ARID1A: variants seen among roughly 807,000 people sequenced by gnomAD.
ARID1A encodes the protein AT-rich interaction domain 1A, also known as AT-rich interactive domain-containing protein 1A.
In ARID1A, 20 loss-of-function variants were observed where a neutral mutation model predicts 212.6. The ratio of observed to expected loss-of-function variants is 0.09; its 90% CI spans 0.07 to 0.14. ARID1A has a LOEUF of 0.14. Among genes scored for constraint, ARID1A ranks in the 10% least tolerant of loss-of-function variants. The pLI is 1.00. For missense variants in ARID1A, 2,587 were observed against 3,059.0 expected, an observed-to-expected ratio of 0.85 and a Z score of 3.64; for synonymous variants, 1,376 against 1,222.1, an observed-to-expected ratio of 1.13 and a Z score of -2.63.
At chr1:26,755,964 CGATCTCCTGACCTCGT>C (rs2080932018) in intron 4 of ARID1A, among the ~76,000 whole-genome samples, 1 of 151,966 alleles carries the variant, frequency 6.6e-6, no homozygotes, top group Non-Finnish European at 1.5e-5. Context: ...AGGATGGTCT[CGATCTCCTGACCTCGT>C]GATCCTCCTG....
rs980159703 is a variant in ARID1A, at chr1:26,696,245, G to C, written c.-159G>C. The C allele has an allele frequency of 1.4e-4, 135 of 946,178 alleles. 1 individual carries two copies. The South Asian group carries it at 4.5e-3, about 31-fold the overall frequency. 58.6% of individuals were successfully genotyped at this position (946,178 alleles called of 1,614,324 possible). On this transcript the variant is annotated 5_prime_UTR_variant, in exon 1 of 20. Transcript: ENST00000324856. The stretch of plus-strand genomic sequence containing the variant: ...CCCGGAGCCTGAGCCGGCGGGGCGG[G>C]GGGGAGAGGAGCGAGCGCAGCGCAG...
At chr1:26,758,415 T>TAC (rs1269255245) in intron 4 of ARID1A, among the ~76,000 whole-genome samples, 1 of 152,002 alleles carries the variant, frequency 6.6e-6, no homozygotes, top group African/African-American at 2.4e-5. Flanking sequence ...ATCCCTTCTC[T>TAC]ACACACACAC....
At position 26,731,434 on chromosome 1, in the gene ARID1A, C is replaced by G. The variant is rs2124789440; in HGVS notation, c.1633C>G (p.Pro545Ala). The change falls in exon 3 of 20, where the codon CCC (proline) becomes GCC (alanine). Residue 545 changes from proline to alanine, a missense_variant. Coordinates refer to ENST00000324856, the MANE Select transcript of ARID1A (RefSeq NM_006015.6). ...PSQQSTTQQHPQSQPPYSQPQ... is the reference protein window; with the variant it reads ...PSQQSTTQQHAQSQPPYSQPQ... ...CCAGCAGTCGACGACACAGCAGCACCCCCAGAGCCAGCCCCCCTACTCACA... is the reference window on the plus strand; with the variant it reads ...CCAGCAGTCGACGACACAGCAGCACGCCCAGAGCCAGCCCCCCTACTCACA... 6.2e-7 allele frequency: 1 copy of G among 1,613,976 alleles called. No individual in the cohort carries two copies. Among genetic ancestry groups the G allele is most frequent in the Non-Finnish European group, 8.5e-7 (1 of 1,179,986 alleles).
At chr1:26,756,571 A>AC (rs1311899478) in intron 4 of ARID1A, among the ~76,000 whole-genome samples, 23 of 151,744 alleles carry the variant, frequency 1.5e-4, no homozygotes, top group South Asian at 1.5e-3. Flanking sequence ...CTTTAAAAAA[A>AC]AAAAAAACAA....
chr1:26,721,887 T>C (rs1223535265), intron 1 of ARID1A, among the ~76,000 whole-genome samples: 1 of 152,198 alleles, frequency 6.6e-6, no homozygotes, highest in Non-Finnish European at 1.5e-5. Context: ...TATGGTTGTT[T>C]CTCATAATCT....
rs2081186237 is a variant in ARID1A, at chr1:26,780,860, T to C, written c.*104T>C. On this transcript the variant is annotated 3_prime_UTR_variant, in exon 20 of 20. Coordinates refer to ENST00000324856, the MANE Select transcript of ARID1A (RefSeq NM_006015.6). The surrounding 1 kb of genome is among the most constrained non-coding windows in gnomAD (Gnocchi z 7.2). ...TGCAAAACCACCTCAGAATCCAGTT[T>C]ACCCTGTGCTGTCCAGCTTCTCCCT... is the stretch of plus-strand genomic sequence containing the variant. 1 of 1,435,998 alleles carries C rather than the reference T, an allele frequency of 7.0e-7. No homozygotes were observed. The highest frequency in any genetic ancestry group is 1.4e-5 in the African/African-American group (1 of 70,226). The allele number at this position is 1,435,998 out of a possible 1,614,324, so 89.0% of individuals were successfully genotyped here.
chr1:26,713,878 C>G (rs1273682538), intron 1 of ARID1A, among the ~76,000 whole-genome samples: 1 of 152,150 alleles, frequency 6.6e-6, no homozygotes, highest in African/African-American at 2.4e-5. Context: ...GATTTCAATC[C>G]TCTGCTTTCC....
chr1:26,773,907 G>C lies in ARID1A; in HGVS notation c.4101+9G>C, dbSNP rs1259205625. 1 of 1,613,452 alleles carries C rather than the reference G, an allele frequency of 6.2e-7. No homozygotes were observed. The highest frequency in any genetic ancestry group is 1.7e-5 in the Admixed American group (1 of 60,012). On this transcript the variant is annotated intron_variant, in intron 17 of 19. Coordinates refer to ENST00000324856, the MANE Select transcript of ARID1A (RefSeq NM_006015.6). ...ATCAACAGCAACAGCAGGTGAGGAG[G>C]GTAGCTGGGAATGGACTGGCATGCA...
chr1:26,774,011 C>T lies in ARID1A; in HGVS notation c.4101+113C>T. 1.2e-5 allele frequency: 17 copies of T among 1,361,874 alleles called. No individual in the cohort carries two copies. Among genetic ancestry groups the T allele is most frequent in the Non-Finnish European group, 1.7e-5 (17 of 980,556 alleles). The allele number at this position is 1,361,874 out of a possible 1,614,324, so 84.4% of individuals were successfully genotyped here. On this transcript the variant is annotated intron_variant, in intron 17 of 19. Transcript: ENST00000324856. This position sits in a 1 kb window ranked among gnomAD's most constrained non-coding sequence, Gnocchi z 5.6. Reference sequence around the variant, plus strand: ...AGCTCACTTTAGATATTTTGGCATTCTTCTCTCACCTGACTGGCCAGTCCT... The same window carrying T: ...AGCTCACTTTAGATATTTTGGCATTTTTCTCTCACCTGACTGGCCAGTCCT...
In ARID1A at chr1:26,780,079, T is replaced by C. The variant is rs762212970; in HGVS notation, c.6181T>C (p.Leu2061=). The change falls in exon 20 of 20, where the codon TTG becomes CTG. Residue 2061 remains leucine (L), a synonymous_variant. Transcript: ENST00000324856. This position sits in a 1 kb window ranked among gnomAD's most constrained non-coding sequence, Gnocchi z 7.2. ...DCLEMLRENT[L]VTLANISGQL... ...CTTGGAGATGCTCCGGGAAAACACCTTGGTTACACTCGCCAACATCTCGGG... is the reference window on the plus strand; with the variant it reads ...CTTGGAGATGCTCCGGGAAAACACCCTGGTTACACTCGCCAACATCTCGGG... 1 of 1,614,072 alleles carries C rather than the reference T, an allele frequency of 6.2e-7. No homozygotes were observed. Among genetic ancestry groups the C allele is most frequent in the Non-Finnish European group, 8.5e-7 (1 of 1,180,010 alleles).
intron 4 of ARID1A, among the ~76,000 whole-genome samples, chr1:26,755,308 C>G (rs2080919273): frequency 6.6e-6 from 1 of 152,218 alleles, no homozygotes; most frequent in Non-Finnish European, 1.5e-5. Flanking sequence ...CTGATGCTGA[C>G]CAGTTGCCAT....
Position 26,748,888 on chromosome 1 carries a change from G to A in ARID1A, c.1921-11968G>A, listed in dbSNP as rs181992449. 1.1e-4 allele frequency among the ~76,000 whole-genome samples: 17 copies of A among 152,118 alleles called. No individual in the cohort carries two copies. In the East Asian group the frequency reaches 2.1e-3, roughly 19 times the overall value. On this transcript the variant is annotated intron_variant, in intron 4 of 19. Transcript: ENST00000324856. ...TTTATTTTTGGAAAACTCTCGGCCAGGCGCAGTGGCTCACGCCTGTAATCC... is the reference window on the plus strand; with the variant it reads ...TTTATTTTTGGAAAACTCTCGGCCAAGCGCAGTGGCTCACGCCTGTAATCC...
chr1:26,699,752 C>G (rs1035648856), intron 1 of ARID1A, among the ~76,000 whole-genome samples: 3 of 152,096 alleles, frequency 2.0e-5, no homozygotes, highest in African/African-American at 4.8e-5. Flanking sequence ...TTCTTGAAAA[C>G]TATTAGAATA....
Position 26,697,309 on chromosome 1 carries a change from C to A in ARID1A, c.906C>A (p.Pro302=), listed in dbSNP as rs1210274408. 7 of 1,348,338 alleles carry A rather than the reference C, an allele frequency of 5.2e-6. No homozygotes were observed. Among genetic ancestry groups the A allele is most frequent in the Middle Eastern group, 4.8e-4 (2 of 4,170 alleles). The allele number at this position is 1,348,338 out of a possible 1,614,324, so 83.5% of individuals were successfully genotyped here. A position where few individuals can be genotyped will look rare whatever the true frequency, so the allele number is the denominator to read the frequency against. ...CCCTCAACCAACTGCTCACGTCGCC[C>A]AGCTCGGCCCGGGGCTACCAGGGCT... ...TPTLNQLLTS[P]SSARGYQGYP... The change falls in exon 1 of 20, where the codon CCC becomes CCA. Residue 302 remains proline, a synonymous_variant. Coordinates refer to ENST00000324856, the MANE Select transcript of ARID1A (RefSeq NM_006015.6).
At chr1:26,723,686 G>A (rs527364713) in intron 1 of ARID1A, among the ~76,000 whole-genome samples, 21 of 152,154 alleles carry the variant, frequency 1.4e-4, no homozygotes, top group African/African-American at 4.8e-4. Flanking sequence ...CACAGGAAAA[G>A]CCTTTTCCTG....
At chr1:26,722,447 T>C (rs1302212619) in intron 1 of ARID1A, among the ~76,000 whole-genome samples, 1 of 152,190 alleles carries the variant, frequency 6.6e-6, no homozygotes, top group Non-Finnish European at 1.5e-5. Flanking sequence ...GGTTTCACCA[T>C]GTTGGCCAGC....
At position 26,779,301 on chromosome 1, in the gene ARID1A, TGAG is replaced by T. The variant is rs750477431; in HGVS notation, c.5407_5409del (p.Glu1803del). 2 of 1,614,154 alleles carry T rather than the reference TGAG, an allele frequency of 1.2e-6. No individual in the cohort carries two copies. Among genetic ancestry groups the T allele is most frequent in the Non-Finnish European group, 8.5e-7 (1 of 1,180,030 alleles). ...AGGACAAGCCAGCTTCAGAGAATAG[TGAG>T]GAGAAGCTGATCAGTAAGTTTGACA... On this transcript the variant is annotated inframe_deletion, in exon 20 of 20. Transcript: ENST00000324856.
In ARID1A at chr1:26,751,085, T is replaced by A. The variant is rs2080880530; in HGVS notation, c.1921-9771T>A. 2.6e-5 allele frequency among the ~76,000 whole-genome samples: 4 copies of A among 151,808 alleles called. No individual in the cohort carries two copies. The South Asian group carries it at 8.3e-4, about 32-fold the overall frequency. ...ACCTGATCAACATGGTGAAACCCCGTCTCTACTAAAAATACAAAAATTAGC... is the reference window on the plus strand; with the variant it reads ...ACCTGATCAACATGGTGAAACCCCGACTCTACTAAAAATACAAAAATTAGC... On this transcript the variant is annotated intron_variant, in intron 4 of 19. Coordinates refer to ENST00000324856, the MANE Select transcript of ARID1A (RefSeq NM_006015.6).
At chr1:26,725,965 C>T (rs2080612919) in intron 1 of ARID1A, among the ~76,000 whole-genome samples, 1 of 151,266 alleles carries the variant, frequency 6.6e-6, no homozygotes, top group Non-Finnish European at 1.5e-5. Context: ...AGTGGTTCAC[C>T]TGCCTCAGCC....
Sources: allele counts gnomAD v4.1 joint callset (sites outside exome capture counted in the v4.1 genomes callset), GRCh38; gene constraint gnomAD v4.1.1; non-coding constraint Gnocchi (gnomAD v3.1); transcripts MANE v1.5; gene names NCBI Gene and HGNC (gene_info 2026-07-23, HGNC 2026-07-21).